KDM4A: variants seen among roughly 807,000 people sequenced by gnomAD.
The protein encoded by KDM4A is lysine-specific demethylase 4A.
A neutral mutation model predicts 127.1 loss-of-function variants in KDM4A; 23 were observed. That is an observed-to-expected ratio of 0.18 (90% CI 0.13 to 0.26). The LOEUF is 0.26. Ranked by LOEUF, KDM4A falls within the 10% of genes least tolerant of loss-of-function variation. KDM4A has a pLI of 1.00. For synonymous variants in KDM4A, 443 were observed against 466.5 expected (o/e 0.95, Z 0.65); for missense variants, 890 against 1,329.1 (o/e 0.67, Z 5.14).
At chr1:43,655,803 A>G (rs761714723) in intron 3 of KDM4A, 37 bp downstream of exon 3, 9 of 1,552,024 alleles carry the variant, frequency 5.8e-6, no homozygotes, top group Admixed American at 3.6e-5. Context: ...CATAGCACCT[A>G]GGACCCTGGT....
At chr1:43,698,640 A>G (rs921295391) in intron 19 of KDM4A, among the ~76,000 whole-genome samples, 2 of 152,204 alleles carry the variant, frequency 1.3e-5, no homozygotes, top group Non-Finnish European at 2.9e-5. Flanking sequence ...AGAGGAATGA[A>G]ACCATTTTTT....
At chr1:43,697,770 A>T (rs987198335) in intron 18 of KDM4A, 73 bp from the exon 19 acceptor site, 58 of 1,368,142 alleles carry the variant, frequency 4.2e-5, no homozygotes, top group Non-Finnish European at 5.9e-5. Context: ...GGAGGAACTA[A>T]TTGATCTTCA....
chr1:43,683,294 A>C (rs1388810904), intron 11 of KDM4A, among the ~76,000 whole-genome samples: 1 of 152,216 alleles, frequency 6.6e-6, no homozygotes, highest in East Asian at 1.9e-4. Context: ...CTGTTGACCT[A>C]CTGGGCCAAG....
chr1:43,693,881 T>C lies in KDM4A; in HGVS notation c.2376-113T>C, dbSNP rs1661178163. 5 of 758,260 alleles carry C rather than the reference T, an allele frequency of 6.6e-6. No homozygotes were observed. In the South Asian group the frequency reaches 8.3e-5, roughly 13 times the overall value. The allele number at this position is 758,260 out of a possible 1,614,324, so 47.0% of individuals were successfully genotyped here. Reference sequence around the variant, plus strand: ...TTCCTGGGTCCCAGGCATGTGCTGGTGGAAGTCAGTGGTCACCCAGGTGAG... The same window carrying C: ...TTCCTGGGTCCCAGGCATGTGCTGGCGGAAGTCAGTGGTCACCCAGGTGAG... On this transcript the variant is annotated intron_variant, in intron 16 of 21. Transcript: ENST00000372396. The surrounding 1 kb of genome is among the most constrained non-coding windows in gnomAD (Gnocchi z 4.2).
At chr1:43,672,501 C>CT (rs377068138) in intron 11 of KDM4A, among the ~76,000 whole-genome samples, 1,627 of 130,280 alleles carry the variant, frequency 0.012, 23 homozygotes, top group African/African-American at 0.033. Flanking sequence ...GTTTTTTTTT[C>CT]TTTTTTTTTT....
At chr1:43,698,798 T>G (rs1661307752) in intron 19 of KDM4A, among the ~76,000 whole-genome samples, 1 of 152,176 alleles carries the variant, frequency 6.6e-6, no homozygotes, top group Non-Finnish European at 1.5e-5. Flanking sequence ...TTATTTATAT[T>G]TTATTTGTGA....
chr1:43,657,452 T>C (rs1660270251), intron 3 of KDM4A, among the ~76,000 whole-genome samples: 1 of 151,824 alleles, frequency 6.6e-6, no homozygotes, highest in South Asian at 2.1e-4. Flanking sequence ...CCACCCGCCT[T>C]GGCCTCCCAA....
At chr1:43,685,116 T>G (rs1401367999) in intron 12 of KDM4A, among the ~76,000 whole-genome samples, 1 of 150,772 alleles carries the variant, frequency 6.6e-6, no homozygotes, top group African/African-American at 2.4e-5. Flanking sequence ...CCAAGGGGGG[T>G]GAGCAGACGC....
chr1:43,684,458 G>C (rs1355789642), intron 12 of KDM4A, among the ~76,000 whole-genome samples: 1 of 152,124 alleles, frequency 6.6e-6, no homozygotes, highest in South Asian at 2.1e-4. Flanking sequence ...AGCCGAGATG[G>C]TGCCACTGCA....
chr1:43,661,608 CAAAAAAAAAA>C (rs34131801), intron 4 of KDM4A, among the ~76,000 whole-genome samples: 3 of 40,854 alleles, frequency 7.3e-5, no homozygotes, highest in African/African-American at 2.5e-4. Flanking sequence ...GACTCTGTCT[CAAAAAAAAAA>C]AAAAAAAAAA....
At chr1:43,663,183 C>A in intron 5 of KDM4A, 96 bp downstream of exon 5, 1 of 1,074,328 alleles carries the variant, frequency 9.3e-7, no homozygotes, top group Non-Finnish European at 1.4e-6. Context: ...TGTTAAAGGG[C>A]AGACCCTGGT....
In KDM4A at chr1:43,704,128, G is replaced by T; in HGVS notation, c.3054+16G>T. On this transcript the variant is annotated intron_variant, in intron 21 of 21. Coordinates refer to ENST00000372396, the MANE Select transcript of KDM4A (RefSeq NM_014663.3). ...ATCTAGACTGGTGAGTATTTTCTGT[G>T]TCCCCCCAGTTCCTGTCTTGGAGGG... 6.2e-7 allele frequency: 1 copy of T among 1,612,208 alleles called. No homozygotes were observed. The highest frequency in any genetic ancestry group is 8.5e-7 in the Non-Finnish European group (1 of 1,178,278).
chr1:43,654,121 G>A (rs528823501), intron 2 of KDM4A, among the ~76,000 whole-genome samples: 56 of 152,192 alleles, frequency 3.7e-4, no homozygotes, highest in Admixed American at 1.4e-3. Context: ...CTGCAGATAC[G>A]GCTACTGCTG....
In KDM4A at chr1:43,654,784, TA is replaced by T. The variant is rs529929496; in HGVS notation, c.139-795del. Among the ~76,000 whole-genome samples the T allele has an allele frequency of 4.2e-3, 587 of 140,602 alleles. 4 individuals are homozygous for T. The highest frequency in any genetic ancestry group is 0.011 in the African/African-American group (423 of 38,584). 92.2% of individuals were successfully genotyped at this position (140,602 alleles called of 152,430 possible). ...ATAAAGTAAAACAATACTCTCTAAT[TA>T]AAAAAAAAAAAGCTGTATAGTATTC... On this transcript the variant is annotated intron_variant, in intron 2 of 21. Coordinates refer to ENST00000372396, the MANE Select transcript of KDM4A (RefSeq NM_014663.3).
rs1214833225 is a variant in KDM4A at position 43,694,813 on chromosome 1, T to C, written c.2589T>C (p.Ala863=). 1.9e-6 allele frequency: 3 copies of C among 1,614,096 alleles called. No homozygotes were observed. The South Asian group carries it at 3.3e-5, about 18-fold the overall frequency. Residue 863 remains alanine (A), a synonymous_variant, in exon 18 of 22, where the codon GCT becomes GCC. Coordinates refer to ENST00000372396, the MANE Select transcript of KDM4A (RefSeq NM_014663.3). This position sits in a 1 kb window ranked among gnomAD's most constrained non-coding sequence, Gnocchi z 5.2. ...CCTTCCATGTGAGCTGCGCCCAGGC[T>C]GCCGGTGTGATGATGCAGCCTGACG... ...PTAFHVSCAQ[A]AGVMMQPDDW...
intron 4 of KDM4A, 71 bp downstream of exon 4, chr1:43,660,483 G>C: frequency 6.5e-7 from 1 of 1,527,862 alleles, no homozygotes; most frequent in South Asian, 1.2e-5. Flanking sequence ...GGCCCGGCAC[G>C]TAGTAGGCAC....
At chr1:43,679,056 G>C (rs1023609758) in intron 11 of KDM4A, among the ~76,000 whole-genome samples, 2 of 152,072 alleles carry the variant, frequency 1.3e-5, no homozygotes, top group Middle Eastern at 3.2e-3. Flanking sequence ...TCTGAGGGTC[G>C]CCTAGAGTAG....
chr1:43,698,928 A>C (rs2154049167), intron 19 of KDM4A, among the ~76,000 whole-genome samples: 1 of 152,014 alleles, frequency 6.6e-6, no homozygotes, highest in South Asian at 2.1e-4. Flanking sequence ...AGCTGGGACT[A>C]CAGGAACGCA....
intron 11 of KDM4A, among the ~76,000 whole-genome samples, chr1:43,675,047 C>T (rs971894686): frequency 2.0e-5 from 3 of 152,160 alleles, no homozygotes; most frequent in Non-Finnish European, 4.4e-5. Flanking sequence ...TTTTTCAGTC[C>T]TCTGCTCAAA....
Sources: allele counts gnomAD v4.1 joint callset (sites outside exome capture counted in the v4.1 genomes callset), GRCh38; gene constraint gnomAD v4.1.1; non-coding constraint Gnocchi (gnomAD v3.1); transcripts MANE v1.5; gene names NCBI Gene and HGNC (gene_info 2026-07-23, HGNC 2026-07-21).